The following PLEKHB2 variants were observed in gnomAD, a reference collection of about 807,000 sequenced individuals.
The protein encoded by PLEKHB2 is pleckstrin homology domain-containing family B member 2.
In PLEKHB2, 31 loss-of-function variants were observed where a neutral mutation model predicts 36.5. The observed-to-expected ratio is 0.85, with a 90% confidence interval of 0.64 to 1.15. PLEKHB2 has a LOEUF of 1.15. Among genes scored for constraint, PLEKHB2 ranks in the 50% most tolerant of loss-of-function variants. The probability of loss-of-function intolerance (pLI) is 0.00; values close to 1 mark genes in which losing one functional copy is unlikely to be tolerated. For synonymous variants in PLEKHB2, 119 were observed against 112.0 expected, an observed-to-expected ratio of 1.06 and a Z score of -0.39; for missense variants, 262 against 295.3, an observed-to-expected ratio of 0.89 and a Z score of 0.83.
In PLEKHB2 at chr2:131,149,194, C is replaced by T. The variant is rs1042679231; in HGVS notation, c.*2421C>T. On this transcript the variant is annotated 3_prime_UTR_variant, in exon 8 of 8. Transcript: ENST00000693505. ...AATGCATACTGGGTATAAGGTTGCT[C>T]AGGTATTTTATTTCCTTGGCCACAA... 1 of 152,186 alleles carries T rather than the reference C, an allele frequency of 6.6e-6. No individual in the cohort carries two copies. Among genetic ancestry groups the T allele is most frequent in the Non-Finnish European group, 1.5e-5 (1 of 68,050 alleles). The allele number at this position is 152,186 out of a possible 1,614,324, so 9.4% of individuals were successfully genotyped here. A position where few individuals can be genotyped will look rare whatever the true frequency, so the allele number is the denominator to read the frequency against.
intron 5 of PLEKHB2, among the ~76,000 whole-genome samples, chr2:131,131,756 CCCT>C (rs1447886667): frequency 1.8e-4 from 27 of 146,100 alleles, no homozygotes; most frequent in African/African-American, 6.9e-4. Context: ...ATGAAAATCC[CCCT>C]TTTTTTTTTT....
At chr2:131,118,591 C>T (rs188700462) in intron 1 of PLEKHB2, among the ~76,000 whole-genome samples, 5 of 152,142 alleles carry the variant, frequency 3.3e-5, no homozygotes, top group Admixed American at 1.3e-4. Context: ...CAAGGCCAGG[C>T]GCGGTGGCTC....
chr2:131,107,585 G>T (rs1694865607), intron 1 of PLEKHB2: 1 of 152,250 alleles, frequency 6.6e-6, no homozygotes, highest in Non-Finnish European at 1.5e-5. Flanking sequence ...GGGATATCAT[G>T]AGGAGTTGTA....
intron 6 of PLEKHB2, 75 bp downstream of exon 6, chr2:131,133,066 T>G: frequency 1.1e-6 from 1 of 919,466 alleles, no homozygotes; most frequent in South Asian, 1.3e-5. Flanking sequence ...TTTGTTTTTT[T>G]AAATGAAATT....
chr2:131,149,033 G>C lies in PLEKHB2; in HGVS notation c.*2260G>C, dbSNP rs191251725. 3.9e-5 allele frequency: 6 copies of C among 152,274 alleles called. No individual in the cohort carries two copies. In the East Asian group the frequency reaches 7.7e-4, roughly 20 times the overall value. 9.4% of individuals were successfully genotyped at this position (152,274 alleles called of 1,614,324 possible). ...CTCCCCTGGCTGCTTCTGGCTGAAG[G>C]GGGGAGGTGTAGACTGAAGCTTGGG... On this transcript the variant is annotated 3_prime_UTR_variant, in exon 8 of 8. Coordinates refer to ENST00000693505, the MANE Select transcript of PLEKHB2 (RefSeq NM_001100623.2).
At chr2:131,120,884 C>CTATT (rs1696441634) in intron 1 of PLEKHB2, 50 bp from the exon 2 acceptor site, 1 of 1,576,114 alleles carries the variant, frequency 6.3e-7, no homozygotes, top group African/African-American at 1.3e-5. Context: ...GCCGGACAGG[C>CTATT]TATTCTCTTT....
chr2:131,130,852 C>G, intron 5 of PLEKHB2, 92 bp downstream of exon 5: 2 of 854,304 alleles, frequency 2.3e-6, no homozygotes, highest in Non-Finnish European at 3.9e-6. Context: ...GCTGTCTCAC[C>G]TCACTGCAGC....
intron 6 of PLEKHB2, among the ~76,000 whole-genome samples, chr2:131,134,156 C>A (rs895803864): frequency 4.6e-5 from 7 of 152,032 alleles, no homozygotes; most frequent in Admixed American, 6.6e-5. Context: ...ACCTCGGCCT[C>A]CCAAAGTGCT....
chr2:131,131,123 T>C, intron 5 of PLEKHB2, among the ~76,000 whole-genome samples: 1 of 152,132 alleles, frequency 6.6e-6, no homozygotes, highest in East Asian at 1.9e-4. Flanking sequence ...TGTGTAACAA[T>C]TGGAGAATGG....
intron 2 of PLEKHB2, 72 bp from the exon 3 acceptor site, chr2:131,125,681 A>G (rs1391512756): frequency 7.5e-7 from 1 of 1,332,884 alleles, no homozygotes. Flanking sequence ...TAGCCACTGC[A>G]TTCCAACTTG....
At chr2:131,119,237 C>G (rs908843451) in intron 1 of PLEKHB2, among the ~76,000 whole-genome samples, 1 of 151,996 alleles carries the variant, frequency 6.6e-6, no homozygotes, top group Non-Finnish European at 1.5e-5. Context: ...GCCTGGACAT[C>G]GCAGCAAGAA....
intron 4 of PLEKHB2, among the ~76,000 whole-genome samples, chr2:131,129,959 G>T (rs1697512022): frequency 6.6e-6 from 1 of 152,178 alleles, no homozygotes; most frequent in Non-Finnish European, 1.5e-5. Flanking sequence ...ATCCTTTGAT[G>T]TGGTATTTTC....
chr2:131,120,459 C>T (rs185853097), intron 1 of PLEKHB2: 4 of 159,854 alleles, frequency 2.5e-5, no homozygotes, highest in African/African-American at 7.2e-5. Context: ...ATGGAGTTGA[C>T]TTTATGAACC....
At chr2:131,137,612 GTTCA>G (rs1217404739) in intron 6 of PLEKHB2, among the ~76,000 whole-genome samples, 2 of 152,264 alleles carry the variant, frequency 1.3e-5, no homozygotes, top group South Asian at 2.1e-4. Context: ...AAATCCTCCA[GTTCA>G]TTCATTCCTG....
intron 6 of PLEKHB2, among the ~76,000 whole-genome samples, chr2:131,136,962 T>G (rs1159605579): frequency 6.7e-6 from 1 of 150,372 alleles, no homozygotes; most frequent in Non-Finnish European, 1.5e-5. Flanking sequence ...TTTTTTTTTT[T>G]TGAGACGGAG....
At chr2:131,138,149 T>C (rs1698451338) in intron 6 of PLEKHB2, among the ~76,000 whole-genome samples, 2 of 152,030 alleles carry the variant, frequency 1.3e-5, no homozygotes, top group African/African-American at 2.4e-5. Context: ...GGCCCATTCA[T>C]TGAACTATTT....
At position 131,130,836 on chromosome 2, in the gene PLEKHB2, A is replaced by G. The variant is rs1697601337; in HGVS notation, c.333+76A>G. The G allele has an allele frequency of 1.9e-5, 20 of 1,040,982 alleles. No homozygotes were observed. In the South Asian group the frequency reaches 2.6e-4, roughly 14 times the overall value. 64.5% of individuals were successfully genotyped at this position (1,040,982 alleles called of 1,614,324 possible). A position where few individuals can be genotyped will look rare whatever the true frequency, so the allele number is the denominator to read the frequency against. The stretch of plus-strand genomic sequence containing the variant: ...GTCACTCTCACTCAGGCTTGAGTGC[A>G]GTGGTGCTGTCTCACCTCACTGCAG... On this transcript the variant is annotated intron_variant, in intron 5 of 7. Coordinates refer to ENST00000693505, the MANE Select transcript of PLEKHB2 (RefSeq NM_001100623.2).
chr2:131,146,751 G>A lies in PLEKHB2; in HGVS notation c.647G>A (p.Gly216Glu). ...LAGAATGMAL[G>E]SLFWVF is the part of the protein sequence containing the mutation. ...GGAGCAGCCACGGGCATGGCCTTAGGGTCTCTATTTTGGGTCTTCTAGGGG... is the reference window on the plus strand; with the variant it reads ...GGAGCAGCCACGGGCATGGCCTTAGAGTCTCTATTTTGGGTCTTCTAGGGG... The change falls in exon 8 of 8, where the codon GGG becomes GAG. Residue 216 changes from glycine to glutamate, a missense_variant. Gly to Glu is a moderately conservative substitution (Grantham distance 98). Coordinates refer to ENST00000693505, the MANE Select transcript of PLEKHB2 (RefSeq NM_001100623.2). 13 of 1,611,460 alleles carry A rather than the reference G, an allele frequency of 8.1e-6. No homozygotes were observed. Among genetic ancestry groups the A allele is most frequent in the African/African-American group, 1.3e-5 (1 of 74,916 alleles).
intron 3 of PLEKHB2, 52 bp downstream of exon 3, chr2:131,125,957 G>GC (rs1392915817): frequency 1.3e-6 from 2 of 1,559,656 alleles, no homozygotes; most frequent in Admixed American, 3.4e-5. Context: ...CCTCTGTCTT[G>GC]CTGGGAGCTT....
Sources: gnomAD v4.1 joint callset for allele counts (sites outside exome capture counted in the v4.1 genomes callset) on GRCh38, gnomAD v4.1.1 for gene constraint, MANE v1.5 for transcripts, NCBI Gene and HGNC (gene_info 2026-07-23, HGNC 2026-07-21) for gene names.